Variants in TKTL1 observed in about 807,000 individuals in gnomAD.
TKTL1 encodes the protein transketolase-like protein 1.
Under a neutral mutation model 39.3 loss-of-function variants are expected in TKTL1, and 1 was observed. That is an observed-to-expected ratio of 0.03 (90% CI 0.01 to 0.12). TKTL1 has a LOEUF of 0.12. Among genes scored for constraint, TKTL1 ranks in the 10% least tolerant of loss-of-function variants. TKTL1 has a pLI of 1.00. For missense variants in TKTL1, 575 were observed against 509.6 expected (o/e 1.13, Z -1.24); for synonymous variants, 262 against 193.8 (o/e 1.35, Z -2.92).
intron 1 of TKTL1, chrX:154,304,914 C>G (rs1191931229): frequency 1.3e-6 from 1 of 798,063 alleles, no homozygotes; most frequent in East Asian, 7.9e-5. Context: ...CGTTCACTTC[C>G]TAAAAGAAAT....
Position 154,305,385 on chromosome X carries a change from A to C in TKTL1, c.216A>C (p.Pro72=). Reference sequence around the variant, plus strand: ...TCATGAGGTACAAGCAGTCAGATCCAGAGAATCCGGACAACGACCGATTTG... The same window carrying C: ...TCATGAGGTACAAGCAGTCAGATCCCGAGAATCCGGACAACGACCGATTTG... ...FYIMRYKQSD[P]ENPDNDRFVL... The change falls in exon 2 of 13, where the codon CCA becomes CCC. Residue 72 remains proline, a synonymous_variant. Transcript: ENST00000369915. The C allele has an allele frequency of 8.3e-7, 1 of 1,210,771 alleles. No individual in the cohort carries two copies. Among genetic ancestry groups the C allele is most frequent in the Non-Finnish European group, 1.1e-6 (1 of 894,726 alleles).
rs1168603645 is a variant in TKTL1, at chrX:154,323,082, C to T, written c.1187-125C>T. 9 of 862,269 alleles carry T rather than the reference C, an allele frequency of 1.0e-5. No individual in the cohort carries two copies. The East Asian group carries it at 2.9e-4, about 28-fold the overall frequency. 71.1% of individuals were successfully genotyped at this position (862,269 alleles called of 1,213,427 possible). On this transcript the variant is annotated intron_variant, in intron 8 of 12. Transcript: ENST00000369915. ...GGATGCAGCGGGACCATTTATGGGG[C>T]TCTGCTACAGCTCGGGACACCCCGT...
At chrX:154,329,454 G>A in intron 12 of TKTL1, 62 bp from the exon 13 acceptor site, 2 of 1,118,364 alleles carry the variant, frequency 1.8e-6, no homozygotes, top group Non-Finnish European at 2.4e-6. Context: ...GCCTCTATGT[G>A]GTGAGGCTTT....
Position 154,315,217 on chromosome X carries a change from C to T in TKTL1, c.909C>T (p.Gly303=). 1.7e-6 allele frequency: 2 copies of T among 1,211,557 alleles called. No individual in the cohort carries two copies. Among genetic ancestry groups the T allele is most frequent in the Non-Finnish European group, 2.2e-6 (2 of 895,355 alleles). ...KACGLALAKL[G]YANNRVVVLD... The stretch of plus-strand genomic sequence containing the variant: ...GCGGTCTGGCTCTGGCTAAGCTGGG[C>T]TACGCGAACAACAGAGTCGTTGTGC... Residue 303 remains glycine (G), a synonymous_variant, in exon 7 of 13, where the codon GGC becomes GGT. Coordinates refer to ENST00000369915, the MANE Select transcript of TKTL1 (RefSeq NM_012253.4).
chrX:154,327,187 T>C (rs887384167), intron 10 of TKTL1: 9 of 278,716 alleles, frequency 3.2e-5, no homozygotes, highest in Non-Finnish European at 5.5e-5. Context: ...TTTCCTCAGC[T>C]GCAGAACGGT....
chrX:154,310,762 C>T (rs1490453494), intron 3 of TKTL1, 74 bp from the exon 4 acceptor site: 23 of 942,638 alleles, frequency 2.4e-5, no homozygotes, highest in Non-Finnish European at 3.4e-5. Flanking sequence ...TCCGTTTCTC[C>T]TCCTGAAATG....
In TKTL1 at chrX:154,315,191, T is replaced by G. The variant is rs1251792445; in HGVS notation, c.883T>G (p.Cys295Gly). 8.3e-7 allele frequency: 1 copy of G among 1,209,208 alleles called. No homozygotes were observed. The highest frequency in any genetic ancestry group is 1.1e-6 in the Non-Finnish European group (1 of 894,771). The stretch of plus-strand genomic sequence containing the variant: ...CTTCTAGATAGCTACTCGGAAAGCA[T>G]GCGGTCTGGCTCTGGCTAAGCTGGG... ...VGDKIATRKACGLALAKLGYA... is the reference protein window; with the variant it reads ...VGDKIATRKAGGLALAKLGYA... The change falls in exon 7 of 13, where the codon TGC (cysteine) becomes GGC (glycine). Residue 295 changes from cysteine to glycine, a missense_variant. Cys to Gly is a radical substitution (Grantham distance 159). Coordinates refer to ENST00000369915, the MANE Select transcript of TKTL1 (RefSeq NM_012253.4).
Position 154,312,687 on chromosome X carries a change from C to G in TKTL1, c.778C>G (p.Pro260Ala). Residue 260 changes from proline (P) to alanine (A), a missense_variant, in exon 6 of 13, where the codon CCA (proline) becomes GCA (alanine). Pro to Ala is a conservative substitution (Grantham distance 27). Coordinates refer to ENST00000369915, the MANE Select transcript of TKTL1 (RefSeq NM_012253.4). ...SQIQTSRNLD[P>A]QPPIEDSPEV... ...GATACAGACCAGCAGGAATCTTGAC[C>G]CACAGCCCCCCATTGAGGACTCACC... is the stretch of plus-strand genomic sequence containing the variant. The G allele has an allele frequency of 7.4e-6, 9 of 1,211,153 alleles. No homozygotes were observed. The highest frequency in any genetic ancestry group is 8.9e-6 in the Non-Finnish European group (8 of 895,201).
At chrX:154,320,596 G>C (rs1557170376) in intron 7 of TKTL1, 161 bp from the exon 8 acceptor site, 3 of 537,377 alleles carry the variant, frequency 5.6e-6, no homozygotes, top group Non-Finnish European at 9.4e-6. Flanking sequence ...GGGACGGACG[G>C]GTGCCCAGGG....
intron 1 of TKTL1, among the ~76,000 whole-genome samples, chrX:154,304,469 G>A (rs781927788): frequency 9.1e-6 from 1 of 109,802 alleles, no homozygotes; most frequent in South Asian, 3.9e-4. Context: ...CGTGGCTCAT[G>A]CCTGTAATCC....
intron 1 of TKTL1, among the ~76,000 whole-genome samples, chrX:154,302,301 A>G: frequency 9.0e-6 from 1 of 111,403 alleles, no homozygotes. Context: ...AAGTCAAAAC[A>G]AGGGTTGAAT....
At chrX:154,326,055 G>T (rs1309597700) in intron 10 of TKTL1, among the ~76,000 whole-genome samples, 1 of 112,194 alleles carries the variant, frequency 8.9e-6, no homozygotes, top group East Asian at 2.8e-4. Flanking sequence ...AGATTTTACA[G>T]ATCTAAGGCC....
intron 6 of TKTL1, 140 bp downstream of exon 6, chrX:154,312,913 A>G: frequency 1.7e-6 from 1 of 585,973 alleles, no homozygotes; most frequent in Non-Finnish European, 2.6e-6. Flanking sequence ...TGTAACTAAC[A>G]GTTCGTAGGC....
At position 154,311,047 on chromosome X, in the gene TKTL1, C is replaced by T. The variant is rs1557168232; in HGVS notation, c.542+20C>T. ...CTTTGGGTAACTGTATTCTCTTGTG[C>T]TTGATTTCCATTCTGTCCTGCCCCC... On this transcript the variant is annotated intron_variant, in intron 4 of 12. Coordinates refer to ENST00000369915, the MANE Select transcript of TKTL1 (RefSeq NM_012253.4). 8.3e-7 allele frequency: 1 copy of T among 1,211,175 alleles called. No homozygotes were observed. Among genetic ancestry groups the T allele is most frequent in the Non-Finnish European group, 1.1e-6 (1 of 894,949 alleles).
In TKTL1 at chrX:154,329,731, T is replaced by A. The variant is rs782235388; in HGVS notation, c.*43T>A. 2 of 1,171,741 alleles carry A rather than the reference T, an allele frequency of 1.7e-6. No homozygotes were observed. The highest frequency in any genetic ancestry group is 4.5e-5 in the Admixed American group (2 of 44,437). Reference sequence around the variant, plus strand: ...GTCTTTTGGCCTCTTTACCCTGTGTTTATGTTTGTTCCAAAACCATCATTT... The same window carrying A: ...GTCTTTTGGCCTCTTTACCCTGTGTATATGTTTGTTCCAAAACCATCATTT... On this transcript the variant is annotated 3_prime_UTR_variant, in exon 13 of 13. Coordinates refer to ENST00000369915, the MANE Select transcript of TKTL1 (RefSeq NM_012253.4).
intron 3 of TKTL1, among the ~76,000 whole-genome samples, chrX:154,309,692 G>A: frequency 9.0e-6 from 1 of 111,234 alleles, no homozygotes; most frequent in East Asian, 2.8e-4. Context: ...TTATCCTAGG[G>A]TTGATAGCTT....
intron 1 of TKTL1, among the ~76,000 whole-genome samples, chrX:154,299,890 C>G (rs1468926054): frequency 8.9e-6 from 1 of 111,785 alleles, no homozygotes; most frequent in Non-Finnish European, 1.9e-5. Context: ...ATTGTGCTGC[C>G]TATAAACATG....
At chrX:154,308,657 C>T (rs1406242634) in intron 2 of TKTL1, among the ~76,000 whole-genome samples, 2 of 110,783 alleles carry the variant, frequency 1.8e-5, no homozygotes, top group African/African-American at 6.6e-5. Context: ...AGTTGGGCCT[C>T]TCCAGTCAGT....
At chrX:154,320,990 A>T in intron 8 of TKTL1, 77 bp downstream of exon 8, 1 of 1,053,390 alleles carries the variant, frequency 9.5e-7, no homozygotes, top group Non-Finnish European at 1.3e-6. Flanking sequence ...TGGTTAAACC[A>T]CGAATTTCCT....
Sources: gnomAD v4.1 joint callset for allele counts (sites outside exome capture counted in the v4.1 genomes callset) on GRCh38, gnomAD v4.1.1 for gene constraint, MANE v1.5 for transcripts, NCBI Gene and HGNC (gene_info 2026-07-23, HGNC 2026-07-21) for gene names.